The following PES1 variants were observed in gnomAD, a reference collection of about 807,000 sequenced individuals.
PES1 encodes pescadillo homolog.
In PES1, 31 loss-of-function variants were observed where a neutral mutation model predicts 77.1. That is an observed-to-expected ratio of 0.40 (90% CI 0.30 to 0.54). The LOEUF is 0.54. Among genes scored for constraint, PES1 ranks in the 20% least tolerant of loss-of-function variants. The probability of loss-of-function intolerance (pLI) is 0.45; values close to 1 mark genes in which losing one functional copy is unlikely to be tolerated. For synonymous variants in PES1, 282 were observed against 303.0 expected, an observed-to-expected ratio of 0.93 and a Z score of 0.72; for missense variants, 658 against 771.7, an observed-to-expected ratio of 0.85 and a Z score of 1.75.
At chr22:30,582,685 T>C (rs1250710460) in intron 6 of PES1, among the ~76,000 whole-genome samples, 1 of 152,186 alleles carries the variant, frequency 6.6e-6, no homozygotes, top group Non-Finnish European at 1.5e-5. Flanking sequence ...TGTTCCGCTA[T>C]TCTGCTGCCA....
chr22:30,583,364 C>G (rs2087015590), intron 6 of PES1, among the ~76,000 whole-genome samples: 1 of 152,252 alleles, frequency 6.6e-6, no homozygotes, highest in African/African-American at 2.4e-5. Context: ...AGTAACAGCC[C>G]AGGGCACCTA....
chr22:30,578,551 G>A (rs1266163309), intron 14 of PES1, among the ~76,000 whole-genome samples: 2 of 152,220 alleles, frequency 1.3e-5, no homozygotes, highest in Non-Finnish European at 2.9e-5. Context: ...CAGTCCTTGA[G>A]TCTGCCGGGA....
Position 30,581,004 on chromosome 22 carries a change from G to A in PES1, c.912+8C>T, listed in dbSNP as rs761411876. 1.9e-6 allele frequency: 3 copies of A among 1,610,336 alleles called. No individual in the cohort carries two copies. Among genetic ancestry groups the A allele is most frequent in the Admixed American group, 3.3e-5 (2 of 59,916 alleles). On this transcript the variant is annotated splice_region_variant and intron_variant, in intron 9 of 14. Transcript: ENST00000354694. ...AGCCCTCCTGCCAGAAGGCAGTGCA[G>A]TGCTCACCCCATCGGTGGGAAACTC...
chr22:30,596,671 T>C (rs1297447224), upstream of PES1, among the ~76,000 whole-genome samples: 2 of 152,222 alleles, frequency 1.3e-5, no homozygotes, highest in African/African-American at 4.8e-5. Flanking sequence ...CCGATGACTC[T>C]GTAGTACTGA....
intron 1 of PES1, among the ~76,000 whole-genome samples, chr22:30,589,978 T>C (rs2087153412): frequency 6.6e-6 from 1 of 152,172 alleles, no homozygotes; most frequent in African/African-American, 2.4e-5. Flanking sequence ...ATACTGCCCC[T>C]CAACCAATTT....
Position 30,581,360 on chromosome 22 carries a change from C to T in PES1, c.796G>A (p.Ala266Thr), listed in dbSNP as rs1391406945. ...TCCATACAACTCTCGGAGTCCAACG[C>T]GTAGGTGCCCTCACCGGCCTTTGCC... ...AEAKAGEGTYALDSESCMEKL... is the reference protein window; with the variant it reads ...AEAKAGEGTYTLDSESCMEKL... The change falls in exon 8 of 15, where the codon GCG (alanine) becomes ACG (threonine). Residue 266 changes from alanine (A) to threonine (T), a missense_variant. By Grantham distance (58) the Ala-to-Thr change is moderately conservative. Transcript: ENST00000354694. 5.0e-6 allele frequency: 8 copies of T among 1,613,750 alleles called. No homozygotes were observed. The highest frequency in any genetic ancestry group is 2.2e-5 in the South Asian group (2 of 91,088).
intron 1 of PES1, chr22:30,606,683 C>G (rs1166226893): frequency 1.8e-5 from 2 of 109,254 alleles, no homozygotes; most frequent in Non-Finnish European, 3.9e-5. Context: ...GCCCAACTCC[C>G]CCCCCCCACC....
At chr22:30,587,447 A>T (rs1329180598) in intron 3 of PES1, 52 bp from the exon 4 acceptor site, 2 of 1,384,012 alleles carry the variant, frequency 1.4e-6, no homozygotes, top group Non-Finnish European at 2.0e-6. Flanking sequence ...TCTCCTGGAC[A>T]ACTTCTTCCA....
intron 10 of PES1, 50 bp downstream of exon 10, chr22:30,580,520 AC>A (rs1569021472): frequency 1.2e-6 from 2 of 1,608,250 alleles, no homozygotes; most frequent in Non-Finnish European, 1.7e-6. Context: ...CAGGACCCAG[AC>A]CAGAGCATGG....
At chr22:30,580,262 C>A (rs2086962790) in intron 10 of PES1, 84 bp from the exon 11 acceptor site, 1 of 1,515,890 alleles carries the variant, frequency 6.6e-7, no homozygotes, top group Non-Finnish European at 8.9e-7. Flanking sequence ...CTGCTGGCCA[C>A]CCAGCCCATA....
In PES1 at chr22:30,599,962, T is replaced by C. The variant is rs2087328419; in HGVS notation, c.-661+5499A>G. ...ATATGATAAATGCTTATAAATACAA[T>C]TGTCATGTAATTTAAAATATTTATG... On this transcript the variant is annotated intron_variant, in intron 2 of 16. Coordinates refer to the PES1 transcript ENST00000402281. 3.3e-5 allele frequency among the ~76,000 whole-genome samples: 5 copies of C among 152,138 alleles called. 1 individual carries two copies. The highest frequency in any genetic ancestry group is 3.3e-4 in the Admixed American group (5 of 15,272).
intron 1 of PES1, 89 bp downstream of exon 1, chr22:30,591,721 C>T (rs2087179369): frequency 6.9e-7 from 1 of 1,443,024 alleles, no homozygotes; most frequent in Non-Finnish European, 9.4e-7. Flanking sequence ...CCAGTCTCCA[C>T]GAGACGGAGC....
chr22:30,585,538 CCT>C (rs2087070589), intron 4 of PES1, among the ~76,000 whole-genome samples: 1 of 152,086 alleles, frequency 6.6e-6, no homozygotes, highest in African/African-American at 2.4e-5. Flanking sequence ...GAGCTTCAAG[CCT>C]CTCTCCCGCA....
At chr22:30,596,040 T>C (rs746391412), upstream of PES1, among the ~76,000 whole-genome samples, 9 of 152,190 alleles carry the variant, frequency 5.9e-5, no homozygotes, top group Non-Finnish European at 1.3e-4. Flanking sequence ...GCTAGCTGGC[T>C]ACATATTATA....
At chr22:30,583,494 T>C (rs1382958282) in intron 6 of PES1, among the ~76,000 whole-genome samples, 8 of 152,148 alleles carry the variant, frequency 5.3e-5, no homozygotes, top group Non-Finnish European at 1.2e-4. Flanking sequence ...TCAAGCAAGG[T>C]GGGCTAAATG....
Position 30,584,704 on chromosome 22 carries a change from T to C in PES1, c.382A>G (p.Ile128Val). 3 of 1,613,678 alleles carry C rather than the reference T, an allele frequency of 1.9e-6. No individual in the cohort carries two copies. The highest frequency in any genetic ancestry group is 1.1e-5 in the South Asian group (1 of 91,076). The change falls in exon 5 of 15, where the codon ATC (isoleucine) becomes GTC (valine). Residue 128 changes from isoleucine (I) to valine (V), a missense_variant. Transcript: ENST00000354694. ...HIIKERYPTFIDALRDLDDAL... is the reference protein window; with the variant it reads ...HIIKERYPTFVDALRDLDDAL... ...TCGTCCAGGTCCCGCAGGGCATCGATGAACGTGGGATACCTGCATGGCCAG... is the reference window on the plus strand; with the variant it reads ...TCGTCCAGGTCCCGCAGGGCATCGACGAACGTGGGATACCTGCATGGCCAG...
intron 2 of PES1, among the ~76,000 whole-genome samples, chr22:30,600,935 ATCTC>A (rs145722020): frequency 0.016 from 2,447 of 152,272 alleles, 69 homozygotes; most frequent in African/African-American, 0.054. Flanking sequence ...GGCTGGATCG[ATCTC>A]TCTCTCTTAA....
rs753053334 is a variant in PES1 at position 30,579,257 on chromosome 22, G to T, written c.1401C>A (p.Asn467Lys). The T allele has an allele frequency of 1.2e-6, 2 of 1,602,058 alleles. No individual in the cohort carries two copies. The change falls in exon 13 of 15, where the codon AAC becomes AAA. Residue 467 changes from asparagine (N) to lysine (K), a missense_variant. By Grantham distance (94) the Asn-to-Lys change is moderately conservative. Transcript: ENST00000354694. ...SEEEEEEDDN[N>K]EGDGDEEGEN... ...CTCCCTCTTCATCACCATCACCTTC[G>T]TTGTTGTCGTCCTCTTCCTCCTCCT...
Position 30,578,912 on chromosome 22 carries a change from G to A in PES1, c.1608C>T (p.Ala536=). The change falls in exon 14 of 15, where the codon GCC becomes GCT. Residue 536 remains alanine (A), a synonymous_variant. Transcript: ENST00000354694. ...QEEESEAKRL[A]IMMMKKREKY... is the part of the protein sequence containing the mutation. ...TCTCCCGCTTCTTCATCATCATAATGGCCAGGCGCTTGGCCTCACTCTCCT... is the reference window on the plus strand; with the variant it reads ...TCTCCCGCTTCTTCATCATCATAATAGCCAGGCGCTTGGCCTCACTCTCCT... 2 of 1,613,506 alleles carry A rather than the reference G, an allele frequency of 1.2e-6. No individual in the cohort carries two copies. The highest frequency in any genetic ancestry group is 1.7e-6 in the Non-Finnish European group (2 of 1,180,016).
Sources: gnomAD v4.1 joint callset for allele counts (sites outside exome capture counted in the v4.1 genomes callset) on GRCh38, gnomAD v4.1.1 for gene constraint, MANE v1.5 for transcripts, NCBI Gene and HGNC (gene_info 2026-07-23, HGNC 2026-07-21) for gene names.